Variants in STARD4 observed in about 807,000 individuals in gnomAD.
The protein encoded by STARD4 is StAR related lipid transfer domain containing 4.
In STARD4, 33 loss-of-function variants were observed where a neutral mutation model predicts 24.9. The ratio of observed to expected loss-of-function variants is 1.32; its 90% CI spans 1.00 to 1.77. The LOEUF (loss-of-function observed/expected upper bound fraction) is 1.77. Ranked by LOEUF, STARD4 falls within the 40% of genes most tolerant of loss-of-function variation. The pLI is 0.00. For missense variants in STARD4, 238 were observed against 249.3 expected (o/e 0.95, Z 0.31); for synonymous variants, 88 against 77.4 (o/e 1.14, Z -0.72).
rs1348093900 is a variant in STARD4 at position 111,500,993 on chromosome 5, G to C, written c.397+9C>G. The C allele has an allele frequency of 1.2e-6, 2 of 1,613,674 alleles. No homozygotes were observed. The highest frequency in any genetic ancestry group is 2.2e-5 in the East Asian group (1 of 44,822). On this transcript the variant is annotated intron_variant, in intron 5 of 5. Transcript: ENST00000296632. ...ACTGAAAAAAAGCATAACATGTTGAGATTATTACCACAAGATAAAAGCCCT... is the reference window on the plus strand; with the variant it reads ...ACTGAAAAAAAGCATAACATGTTGACATTATTACCACAAGATAAAAGCCCT...
Position 111,498,782 on chromosome 5 carries a change from A to G in STARD4, c.*1104T>C, listed in dbSNP as rs1262509495. 6.6e-6 allele frequency: 1 copy of G among 152,202 alleles called. No individual in the cohort carries two copies. The highest frequency in any genetic ancestry group is 2.4e-5 in the African/African-American group (1 of 41,462). 9.4% of individuals were successfully genotyped at this position (152,202 alleles called of 1,614,324 possible). A position where few individuals can be genotyped will look rare whatever the true frequency, so the allele number is the denominator to read the frequency against. ...TGCCACCTTTTGTTTTTTGAAATCT[A>G]TCATCACCAGTGGCAAAAAATAAAT... On this transcript the variant is annotated 3_prime_UTR_variant, in exon 6 of 6. Transcript: ENST00000296632.
rs759564098 is a variant in STARD4, at chr5:111,506,385, A to G, written c.106-6T>C. 14 of 1,425,936 alleles carry G rather than the reference A, an allele frequency of 9.8e-6. No individual in the cohort carries two copies. Among genetic ancestry groups the G allele is most frequent in the Non-Finnish European group, 1.4e-5 (14 of 1,027,938 alleles). The allele number at this position is 1,425,936 out of a possible 1,614,324, so 88.3% of individuals were successfully genotyped here. ...CTCCAAACAGTTACATCTTTCTAGA[A>G]AAATAAAAACATTATATGGTAATAA... is the stretch of plus-strand genomic sequence containing the variant. On this transcript the variant is annotated splice_polypyrimidine_tract_variant and splice_region_variant and intron_variant, in intron 2 of 5. Transcript: ENST00000296632.
rs141746796 is a variant in STARD4 at position 111,505,198 on chromosome 5, A to G, written c.155+1132T>C. On this transcript the variant is annotated intron_variant, in intron 3 of 5. Coordinates refer to ENST00000296632, the MANE Select transcript of STARD4 (RefSeq NM_139164.3). Reference sequence around the variant, plus strand: ...TTAGTTCTCTATGAAGTCTTTTCAGATCTCCAAGCATAAAGCTCCCTTGAC... The same window carrying G: ...TTAGTTCTCTATGAAGTCTTTTCAGGTCTCCAAGCATAAAGCTCCCTTGAC... 3.0e-3 allele frequency among the ~76,000 whole-genome samples: 453 copies of G among 152,336 alleles called. 2 individuals are homozygous for G. Among genetic ancestry groups the G allele is most frequent in the African/African-American group, 9.8e-3 (408 of 41,578 alleles).
At chr5:111,504,109 A>T (rs144871541) in intron 3 of STARD4, among the ~76,000 whole-genome samples, 1 of 152,312 alleles carries the variant, frequency 6.6e-6, no homozygotes, top group African/African-American at 2.4e-5. Flanking sequence ...GAATCCTGAA[A>T]CTGCTACTTT....
At position 111,502,026 on chromosome 5, in the gene STARD4, C is replaced by A. The variant is rs376457185; in HGVS notation, c.218G>T (p.Gly73Val). The change falls in exon 4 of 6, where the codon GGG (glycine) becomes GTG (valine). Residue 73 changes from glycine to valine, a missense_variant. Gly to Val is a moderately radical substitution (Grantham distance 109). Transcript: ENST00000296632. ...VYSIIDHIRP[G>V]PCRLDWDSLM... ...GCTGTCCCAATCCAAACGACAAGGC[C>A]CTGGGCGTATATGGTCTATTATACT... The A allele has an allele frequency of 3.1e-6, 5 of 1,613,916 alleles. No homozygotes were observed. Among genetic ancestry groups the A allele is most frequent in the African/African-American group, 2.7e-5 (2 of 74,878 alleles).
At position 111,496,331 on chromosome 5, in the gene STARD4, C is replaced by T. The variant is rs1282998723; in HGVS notation, c.*3555G>A. 1.3e-5 allele frequency: 2 copies of T among 152,078 alleles called. No homozygotes were observed. Among genetic ancestry groups the T allele is most frequent in the Non-Finnish European group, 2.9e-5 (2 of 67,990 alleles). 9.4% of individuals were successfully genotyped at this position (152,078 alleles called of 1,614,324 possible). On this transcript the variant is annotated 3_prime_UTR_variant, in exon 6 of 6. Coordinates refer to ENST00000296632, the MANE Select transcript of STARD4 (RefSeq NM_139164.3). ...AAATTATTCTGATGTTTCTTCTACA[C>T]TCAAGTCCCAACCTTCTCTACTTCT... is the stretch of plus-strand genomic sequence containing the variant.
At chr5:111,500,418 A>C (rs997514859) in intron 5 of STARD4, 12 of 1,089,326 alleles carry the variant, frequency 1.1e-5, no homozygotes, top group Middle Eastern at 4.1e-4. Flanking sequence ...AATCAAATCC[A>C]TGGTACCGTA....
At chr5:111,501,923 A>T in intron 4 of STARD4, 39 bp downstream of exon 4, 1 of 1,611,700 alleles carries the variant, frequency 6.2e-7, no homozygotes, top group Non-Finnish European at 8.5e-7. Flanking sequence ...TCCCTCATGC[A>T]CATACACACA....
chr5:111,506,073 A>T lies in STARD4; in HGVS notation c.155+257T>A, dbSNP rs531882292. The T allele has an allele frequency of 2.0e-3, 414 of 211,714 alleles. 1 individual carries two copies. Among genetic ancestry groups the T allele is most frequent in the Admixed American group, 4.5e-3 (76 of 16,774 alleles). The allele number at this position is 211,714 out of a possible 1,614,324, so 13.1% of individuals were successfully genotyped here. A position where few individuals can be genotyped will look rare whatever the true frequency, so the allele number is the denominator to read the frequency against. On this transcript the variant is annotated intron_variant, in intron 3 of 5. Transcript: ENST00000296632. The stretch of plus-strand genomic sequence containing the variant: ...GCCAGGCACAGTGGCAGGTGCCTGT[A>T]ATCCGAGCTACTCGGGAGGCTGAGG...
chr5:111,508,907 A>G (rs1757050943), intron 1 of STARD4, among the ~76,000 whole-genome samples: 1 of 152,178 alleles, frequency 6.6e-6, no homozygotes, highest in African/African-American at 2.4e-5. Flanking sequence ...CATATAAGCC[A>G]TTAAAATTTA....
At chr5:111,506,585 T>G (rs1756881701) in intron 2 of STARD4, among the ~76,000 whole-genome samples, 3 of 152,198 alleles carry the variant, frequency 2.0e-5, no homozygotes, top group African/African-American at 7.2e-5. Context: ...TGTACTTAAA[T>G]TACAGACCTC....
rs140104063 is a variant in STARD4 at position 111,507,980 on chromosome 5, G to A, written c.-9-538C>T. On this transcript the variant is annotated intron_variant, in intron 1 of 5. Transcript: ENST00000296632. This position sits in a 1 kb window ranked among gnomAD's most constrained non-coding sequence, Gnocchi z 4.4. The stretch of plus-strand genomic sequence containing the variant: ...TTGGAATTGCCCTTAATAAGAATAG[G>A]TTCCTTTTAACACCATCATACCTCA... 1.1e-4 allele frequency among the ~76,000 whole-genome samples: 17 copies of A among 152,152 alleles called. No homozygotes were observed. Among genetic ancestry groups the A allele is most frequent in the African/African-American group, 4.1e-4 (17 of 41,508 alleles).
Position 111,501,105 on chromosome 5 carries a change from C to A in STARD4, c.294G>T (p.Val98=). The change falls in exon 5 of 6, where the codon GTG becomes GTT. Residue 98 remains valine (V), a synonymous_variant. Coordinates refer to ENST00000296632, the MANE Select transcript of STARD4 (RefSeq NM_139164.3). ...ILENFEENCC[V]MRYTTAGQLW... ...GCTGACCAGCAGTAGTGTAACGCATCACACAGCAATTCTGAAAAAGAAGAG... is the reference window on the plus strand; with the variant it reads ...GCTGACCAGCAGTAGTGTAACGCATAACACAGCAATTCTGAAAAAGAAGAG... The A allele has an allele frequency of 6.3e-7, 1 of 1,595,280 alleles. No homozygotes were observed. The highest frequency in any genetic ancestry group is 8.5e-7 in the Non-Finnish European group (1 of 1,174,572).
chr5:111,512,363 GC>G (rs1193234888), intron 1 of STARD4, 21 bp downstream of exon 1: 1 of 152,586 alleles, frequency 6.6e-6, no homozygotes, highest in East Asian at 1.9e-4. Flanking sequence ...CAATCCTGCC[GC>G]GGCTCCGTGG....
Position 111,500,034 on chromosome 5 carries a change from C to G in STARD4, c.470G>C (p.Cys157Ser), listed in dbSNP as rs1486501562. 3 of 1,614,160 alleles carry G rather than the reference C, an allele frequency of 1.9e-6. No individual in the cohort carries two copies. Among genetic ancestry groups the G allele is most frequent in the East Asian group, 2.2e-5 (1 of 44,882 alleles). Residue 157 changes from cysteine to serine, a missense_variant, in exon 6 of 6, where the codon TGT becomes TCT. Transcript: ENST00000296632. ...GTTTGGGTTGTCTTTAAGTGGAACA[C>G]AAAACCAACCACAGGGATGGTTATA... is the stretch of plus-strand genomic sequence containing the variant. ...RGYNHPCGWF[C>S]VPLKDNPNQS...
chr5:111,502,147 T>C (rs1011489932), intron 3 of STARD4, 59 bp from the exon 4 acceptor site: 4 of 1,565,368 alleles, frequency 2.6e-6, no homozygotes, highest in South Asian at 1.2e-5. Flanking sequence ...AGCATACCCT[T>C]ATAGTGCATA....
In STARD4 at chr5:111,500,393, C is replaced by A. The variant is rs1019589992; in HGVS notation, c.398-287G>T. 9 of 1,111,850 alleles carry A rather than the reference C, an allele frequency of 8.1e-6. No homozygotes were observed. In the African/African-American group the frequency reaches 1.5e-4, roughly 18 times the overall value. The allele number at this position is 1,111,850 out of a possible 1,614,324, so 68.9% of individuals were successfully genotyped here. ...ACAAATCTTGGTTGTAGTATCCAGGCCTTGAGGTGCCAAAAATCAAATCCA... is the reference window on the plus strand; with the variant it reads ...ACAAATCTTGGTTGTAGTATCCAGGACTTGAGGTGCCAAAAATCAAATCCA... On this transcript the variant is annotated intron_variant, in intron 5 of 5. Coordinates refer to ENST00000296632, the MANE Select transcript of STARD4 (RefSeq NM_139164.3).
intron 3 of STARD4, 136 bp from the exon 4 acceptor site, chr5:111,502,224 T>G: frequency 8.9e-6 from 9 of 1,007,598 alleles, no homozygotes; most frequent in Non-Finnish European, 1.3e-5. Flanking sequence ...ATCCCAGCAT[T>G]CTGGGAGGCT....
In STARD4 at chr5:111,496,214, A is replaced by C. The variant is rs183691349; in HGVS notation, c.*3672T>G. Reference sequence around the variant, plus strand: ...TATACTATAGCTTTTATTGAACTGCAAGAGATGAATTTTAATATTTAACTA... The same window carrying C: ...TATACTATAGCTTTTATTGAACTGCCAGAGATGAATTTTAATATTTAACTA... On this transcript the variant is annotated 3_prime_UTR_variant, in exon 6 of 6. Transcript: ENST00000296632. 26 of 152,184 alleles carry C rather than the reference A, an allele frequency of 1.7e-4. No individual in the cohort carries two copies. Among genetic ancestry groups the C allele is most frequent in the African/African-American group, 6.3e-4 (26 of 41,572 alleles). 9.4% of individuals were successfully genotyped at this position (152,184 alleles called of 1,614,324 possible). A position where few individuals can be genotyped will look rare whatever the true frequency, so the allele number is the denominator to read the frequency against.
Sources: allele counts gnomAD v4.1 joint callset (sites outside exome capture counted in the v4.1 genomes callset), GRCh38; gene constraint gnomAD v4.1.1; non-coding constraint Gnocchi (gnomAD v3.1); transcripts MANE v1.5; gene names NCBI Gene and HGNC (gene_info 2026-07-23, HGNC 2026-07-21).